Variants in ZBTB7C observed in about 807,000 individuals in gnomAD.
ZBTB7C encodes the protein zinc finger and BTB domain containing 7C.
Under a neutral mutation model 25.7 loss-of-function variants are expected in ZBTB7C, and 8 were observed. The observed-to-expected ratio is 0.31, with a 90% CI of 0.18 to 0.56. The LOEUF (loss-of-function observed/expected upper bound fraction) is 0.56. Among genes scored for constraint, ZBTB7C ranks in the 20% least tolerant of loss-of-function variants. The probability of loss-of-function intolerance (pLI) is 0.91; values close to 1 mark genes in which losing one functional copy is unlikely to be tolerated. For synonymous variants in ZBTB7C, 394 were observed against 369.0 expected (o/e 1.07, Z -0.78); for missense variants, 824 against 855.2 (o/e 0.96, Z 0.46).
chr18:48,265,005 G>A (rs1202940118), intron 2 of ZBTB7C, among the ~76,000 whole-genome samples: 2 of 152,216 alleles, frequency 1.3e-5, no homozygotes, highest in African/African-American at 2.4e-5. Flanking sequence ...GAGACAATGG[G>A]TGGAGATGGG....
intron 2 of ZBTB7C, among the ~76,000 whole-genome samples, chr18:48,283,857 G>C (rs74706910): frequency 0.051 from 7,722 of 152,230 alleles, 252 homozygotes; most frequent in Non-Finnish European, 0.072. Context: ...ATATCAAGAA[G>C]AAAAGGGGGC....
chr18:48,214,510 C>T (rs1050419014), intron 2 of ZBTB7C, among the ~76,000 whole-genome samples: 5 of 152,230 alleles, frequency 3.3e-5, no homozygotes, highest in African/African-American at 1.2e-4. Flanking sequence ...AAACAGGATG[C>T]AGTAAAGAAG....
At chr18:48,100,567 G>A (rs993640209) in intron 3 of ZBTB7C, among the ~76,000 whole-genome samples, 1 of 152,146 alleles carries the variant, frequency 6.6e-6, no homozygotes, top group African/African-American at 2.4e-5. Flanking sequence ...GCCACAAAAG[G>A]TGTGGTCATC....
At chr18:48,386,097 T>G (rs540801478) in intron 1 of ZBTB7C, among the ~76,000 whole-genome samples, 28 of 152,344 alleles carry the variant, frequency 1.8e-4, no homozygotes, top group African/African-American at 6.3e-4. Flanking sequence ...GACTGTCTAC[T>G]AAGAATAGGC....
intron 1 of ZBTB7C, among the ~76,000 whole-genome samples, chr18:48,406,622 T>C (rs1412331217): frequency 6.6e-6 from 1 of 152,188 alleles, no homozygotes. Context: ...ACACAGGAGA[T>C]GTGGAGTAAG....
intron 3 of ZBTB7C, among the ~76,000 whole-genome samples, chr18:48,126,787 G>A (rs1038951159): frequency 1.3e-5 from 2 of 152,168 alleles, no homozygotes; most frequent in Admixed American, 6.5e-5. Flanking sequence ...TTGTAAGGCT[G>A]AGCATTTGTG....
chr18:48,204,345 T>A (rs2042529625), intron 2 of ZBTB7C, among the ~76,000 whole-genome samples: 1 of 152,122 alleles, frequency 6.6e-6, no homozygotes, highest in Non-Finnish European at 1.5e-5. Flanking sequence ...TTTACCTAGA[T>A]ACCCACTGCA....
intron 3 of ZBTB7C, among the ~76,000 whole-genome samples, chr18:48,124,286 T>A (rs2039728295): frequency 6.6e-6 from 1 of 152,212 alleles, no homozygotes; most frequent in Non-Finnish European, 1.5e-5. Context: ...AATGGGTCCC[T>A]CATGTGAATG....
chr18:48,315,879 G>A (rs768161963), intron 2 of ZBTB7C, among the ~76,000 whole-genome samples: 9 of 152,182 alleles, frequency 5.9e-5, no homozygotes, highest in Non-Finnish European at 1.2e-4. Context: ...CAAGGCCATG[G>A]AGAGGCCCTG....
intron 2 of ZBTB7C, among the ~76,000 whole-genome samples, chr18:48,195,154 T>C (rs2042288605): frequency 6.6e-6 from 1 of 152,268 alleles, no homozygotes. Flanking sequence ...TATATACTTG[T>C]ACATTCATTC....
At chr18:48,188,084 C>T (rs899095375) in intron 2 of ZBTB7C, among the ~76,000 whole-genome samples, 1 of 152,210 alleles carries the variant, frequency 6.6e-6, no homozygotes, top group African/African-American at 2.4e-5. Flanking sequence ...TGCAAGACTT[C>T]AGTCCATCTT....
At chr18:48,380,465 A>G (rs1365812117) in intron 1 of ZBTB7C, among the ~76,000 whole-genome samples, 1 of 152,222 alleles carries the variant, frequency 6.6e-6, no homozygotes, top group African/African-American at 2.4e-5. Context: ...GTATGAACTC[A>G]TGTTTACCTT....
intron 3 of ZBTB7C, among the ~76,000 whole-genome samples, chr18:48,073,886 G>A (rs2037652694): frequency 6.6e-6 from 1 of 152,090 alleles, no homozygotes; most frequent in South Asian, 2.1e-4. Flanking sequence ...ACTCTGATTT[G>A]TCTCCTGTAG....
At chr18:48,076,766 C>A (rs8086482) in intron 3 of ZBTB7C, among the ~76,000 whole-genome samples, 3 of 152,278 alleles carry the variant, frequency 2.0e-5, no homozygotes, top group African/African-American at 4.8e-5. Flanking sequence ...CCACAGGGAA[C>A]CTTCTAGACT....
chr18:48,174,917 A>C (rs1362154946), intron 3 of ZBTB7C, among the ~76,000 whole-genome samples: 2 of 152,244 alleles, frequency 1.3e-5, no homozygotes, highest in African/African-American at 4.8e-5. Context: ...GCATAAGCAG[A>C]AAACAATTAA....
At chr18:48,267,904 TTTG>T (rs1392005274) in intron 2 of ZBTB7C, among the ~76,000 whole-genome samples, 2 of 152,180 alleles carry the variant, frequency 1.3e-5, no homozygotes, top group African/African-American at 4.8e-5. Context: ...ACTAATGTCT[TTTG>T]TTGTTAAGTC....
At chr18:48,051,353 A>T (rs1388496201) in intron 3 of ZBTB7C, among the ~76,000 whole-genome samples, 1 of 152,190 alleles carries the variant, frequency 6.6e-6, no homozygotes, top group African/African-American at 2.4e-5. Flanking sequence ...CTGAGGGTAC[A>T]TGAGTGTCAG....
At position 48,028,563 on chromosome 18, in the gene ZBTB7C, GTA is replaced by G. The variant is rs1414292799; in HGVS notation, c.*695_*696del. Reference sequence around the variant, plus strand: ...TGTGATTCTCTGGGGGGATAGGTGTGTATGTGTTTAGAGGTGGAGGGCGGAAA... The same window carrying G: ...TGTGATTCTCTGGGGGGATAGGTGTGTGTGTTTAGAGGTGGAGGGCGGAAA... On this transcript the variant is annotated 3_prime_UTR_variant, in exon 5 of 5. Coordinates refer to ENST00000590800, the MANE Select transcript of ZBTB7C (RefSeq NM_001318841.2). 1 of 152,234 alleles carries G rather than the reference GTA, an allele frequency of 6.6e-6. No individual in the cohort carries two copies. The highest frequency in any genetic ancestry group is 1.5e-5 in the Non-Finnish European group (1 of 68,084). 9.4% of individuals were successfully genotyped at this position (152,234 alleles called of 1,614,324 possible).
chr18:48,154,346 T>G (rs573168320), intron 3 of ZBTB7C, among the ~76,000 whole-genome samples: 37 of 152,264 alleles, frequency 2.4e-4, no homozygotes, highest in South Asian at 1.2e-3. Context: ...GGAGGAGTGC[T>G]CTGCAGGCAG....
Sources: allele counts gnomAD v4.1 joint callset (sites outside exome capture counted in the v4.1 genomes callset), GRCh38; gene constraint gnomAD v4.1.1; transcripts MANE v1.5; gene names NCBI Gene and HGNC (gene_info 2026-07-23, HGNC 2026-07-21).